PLA2G7: variants seen among roughly 807,000 people sequenced by gnomAD.
PLA2G7 encodes the protein phospholipase A2 group VII, also known as platelet-activating factor acetylhydrolase.
PLA2G7 carries 63 observed loss-of-function variants against 49.6 expected under a neutral mutation model. The observed-to-expected ratio is 1.27, with a 90% confidence interval of 1.04 to 1.57. The LOEUF (loss-of-function observed/expected upper bound fraction) is 1.57, where lower values mean the gene tolerates loss of function less well. PLA2G7 is among the 40% of genes most tolerant of loss of function. The pLI is 0.00. For missense variants in PLA2G7, 596 were observed against 521.2 expected (o/e 1.14, Z -1.40); for synonymous variants, 193 against 169.9 (o/e 1.14, Z -1.06).
chr6:46,721,514 A>G (rs530146244), intron 2 of PLA2G7, among the ~76,000 whole-genome samples: 14 of 152,088 alleles, frequency 9.2e-5, no homozygotes, highest in African/African-American at 2.9e-4. Flanking sequence ...TTTACCCTGT[A>G]CCAATTAAAA....
chr6:46,734,000 C>G (rs75377221), intron 1 of PLA2G7, among the ~76,000 whole-genome samples: 3 of 152,150 alleles, frequency 2.0e-5, no homozygotes, highest in Non-Finnish European at 2.9e-5. Context: ...ATGAGCCATA[C>G]GCACCTCTCC....
At chr6:46,722,230 G>A (rs1281693680) in intron 2 of PLA2G7, among the ~76,000 whole-genome samples, 1 of 152,160 alleles carries the variant, frequency 6.6e-6, no homozygotes, top group Non-Finnish European at 1.5e-5. Flanking sequence ...ATTCTCATCT[G>A]GAACTCCCTA....
intron 2 of PLA2G7, among the ~76,000 whole-genome samples, chr6:46,718,832 A>G (rs1765300579): frequency 6.6e-6 from 1 of 152,238 alleles, no homozygotes; most frequent in African/African-American, 2.4e-5. Context: ...CTTTCTTCAG[A>G]GCCATATCCA....
chr6:46,711,632 C>A lies in PLA2G7; in HGVS notation c.540-13G>T, dbSNP rs199692839. 8.7e-6 allele frequency: 14 copies of A among 1,612,866 alleles called. No individual in the cohort carries two copies. The highest frequency in any genetic ancestry group is 1.2e-5 in the Non-Finnish European group (14 of 1,179,138). ...TGCAGATCTATCTCTATAATACAAG[C>A]AAAATTATTATTTATGCATGCTCCT... On this transcript the variant is annotated splice_polypyrimidine_tract_variant and intron_variant, in intron 6 of 11. Transcript: ENST00000274793.
chr6:46,719,406 A>G (rs1302316545), intron 2 of PLA2G7, among the ~76,000 whole-genome samples: 1 of 152,210 alleles, frequency 6.6e-6, no homozygotes, highest in Admixed American at 6.5e-5. Context: ...GAGCTTGGAA[A>G]TGCAGGCTCC....
intron 2 of PLA2G7, among the ~76,000 whole-genome samples, chr6:46,720,822 T>TGGAGATGAAC (rs1401055730): frequency 6.6e-6 from 1 of 152,248 alleles, no homozygotes; most frequent in Non-Finnish European, 1.5e-5. Context: ...GTCTTGGGTT[T>TGGAGATGAAC]GGAGATGAAC....
chr6:46,716,917 T>A (rs1359326163), intron 3 of PLA2G7, 58 bp downstream of exon 3: 33 of 1,552,608 alleles, frequency 2.1e-5, no homozygotes, highest in Non-Finnish European at 2.4e-5. Flanking sequence ...CTTCTAGTGG[T>A]CCATAGCGAC....
At chr6:46,716,609 G>A in intron 3 of PLA2G7, 81 bp from the exon 4 acceptor site, 7 of 1,426,384 alleles carry the variant, frequency 4.9e-6, no homozygotes, top group Non-Finnish European at 6.9e-6. Flanking sequence ...TATTTAATTA[G>A]TGGGGACTCA....
intron 1 of PLA2G7, among the ~76,000 whole-genome samples, chr6:46,724,083 G>A (rs768433769): frequency 2.1e-4 from 32 of 152,114 alleles, no homozygotes; most frequent in South Asian, 1.5e-3. Flanking sequence ...TCTCACCTCC[G>A]GGTTTTTGCT....
chr6:46,714,893 G>C (rs1403450918), intron 4 of PLA2G7, among the ~76,000 whole-genome samples: 1 of 151,466 alleles, frequency 6.6e-6, no homozygotes, highest in Non-Finnish European at 1.5e-5. Context: ...GCGCCACCAC[G>C]CCTGGCTAAT....
chr6:46,725,480 T>C (rs1027719753), intron 1 of PLA2G7, among the ~76,000 whole-genome samples: 1 of 152,112 alleles, frequency 6.6e-6, no homozygotes, highest in African/African-American at 2.4e-5. Context: ...TCTGCCCACC[T>C]TGGCCTCCCA....
chr6:46,706,779 AT>A, intron 10 of PLA2G7, among the ~76,000 whole-genome samples: 1 of 152,330 alleles, frequency 6.6e-6, no homozygotes, highest in South Asian at 2.1e-4. Flanking sequence ...GTTCTGTATT[AT>A]TTCCGTTTTA....
chr6:46,711,848 A>G (rs1267001062), intron 6 of PLA2G7, among the ~76,000 whole-genome samples: 1 of 152,124 alleles, frequency 6.6e-6, no homozygotes, highest in Non-Finnish European at 1.5e-5. Flanking sequence ...TATCTTCCTA[A>G]TTCTGGGAGG....
At chr6:46,716,302 T>G in intron 4 of PLA2G7, 82 bp downstream of exon 4, 1 of 1,429,442 alleles carries the variant, frequency 7.0e-7, no homozygotes, top group Non-Finnish European at 9.9e-7. Flanking sequence ...TCTACTTTGG[T>G]CTTAACTACT....
intron 1 of PLA2G7, among the ~76,000 whole-genome samples, chr6:46,723,527 T>C (rs1336673690): frequency 6.6e-6 from 1 of 152,198 alleles, no homozygotes. Flanking sequence ...GCTTGTTGAA[T>C]CAGTAAATGA....
intron 1 of PLA2G7, among the ~76,000 whole-genome samples, chr6:46,726,640 A>C (rs1474905080): frequency 6.6e-6 from 1 of 152,024 alleles, no homozygotes; most frequent in East Asian, 1.9e-4. Context: ...TGGTCAATAC[A>C]AAAACACAAA....
At chr6:46,725,665 C>T (rs1765548379) in intron 1 of PLA2G7, among the ~76,000 whole-genome samples, 1 of 152,076 alleles carries the variant, frequency 6.6e-6, no homozygotes, top group African/African-American at 2.4e-5. Flanking sequence ...GATCTTATTT[C>T]AGTATTACAT....
chr6:46,718,343 A>G (rs1341031538), intron 2 of PLA2G7, among the ~76,000 whole-genome samples: 2 of 152,220 alleles, frequency 1.3e-5, no homozygotes, highest in African/African-American at 2.4e-5. Flanking sequence ...AAATCTACAC[A>G]TGCTTTCCTA....
chr6:46,712,544 TG>T (rs1765062999), intron 5 of PLA2G7, among the ~76,000 whole-genome samples: 2 of 152,176 alleles, frequency 1.3e-5, no homozygotes, highest in Admixed American at 1.3e-4. Flanking sequence ...ATCATGAATG[TG>T]GGCGAGGGTA....
Sources: allele counts gnomAD v4.1 joint callset (sites outside exome capture counted in the v4.1 genomes callset), GRCh38; gene constraint gnomAD v4.1.1; transcripts MANE v1.5; gene names NCBI Gene and HGNC (gene_info 2026-07-23, HGNC 2026-07-21).